C1QTNF1: variants seen among roughly 807,000 people sequenced by gnomAD.
C1QTNF1 encodes C1q and TNF related 1, also known as complement C1q tumor necrosis factor-related protein 1.
A neutral mutation model predicts 27.8 loss-of-function variants in C1QTNF1; 22 were observed. The observed-to-expected ratio is 0.79, with a 90% CI of 0.56 to 1.13. The LOEUF (loss-of-function observed/expected upper bound fraction) is 1.13. C1QTNF1 is among the 50% of genes most tolerant of loss of function. C1QTNF1 has a pLI of 0.00. For missense variants in C1QTNF1, 373 were observed against 380.2 expected, an observed-to-expected ratio of 0.98 and a Z score of 0.16; for synonymous variants, 166 against 154.3, an observed-to-expected ratio of 1.08 and a Z score of -0.56.
intron 1 of C1QTNF1, among the ~76,000 whole-genome samples, chr17:79,036,599 G>A (rs769674761): frequency 6.6e-5 from 10 of 152,082 alleles, no homozygotes; most frequent in Non-Finnish European, 1.0e-4. Flanking sequence ...CCACTGTACC[G>A]GACAGCACAG....
intron 1 of C1QTNF1, among the ~76,000 whole-genome samples, chr17:79,036,765 T>C (rs545539289): frequency 6.6e-6 from 1 of 152,318 alleles, no homozygotes; most frequent in Admixed American, 6.5e-5. Context: ...TCCCAAGCTC[T>C]TGCACAATGC....
At chr17:79,030,563 C>T (rs1282083207) in intron 1 of C1QTNF1, among the ~76,000 whole-genome samples, 1 of 129,564 alleles carries the variant, frequency 7.7e-6, no homozygotes, top group Non-Finnish European at 1.7e-5. Context: ...TCCTCTCTTT[C>T]TCTCTCTCTT....
chr17:79,024,759 G>C (rs963139054), intron 1 of C1QTNF1: 15 of 152,386 alleles, frequency 9.8e-5, no homozygotes, highest in Non-Finnish European at 1.8e-4. Flanking sequence ...GTGGAGGAGC[G>C]GGGCTTTTCT....
intron 1 of C1QTNF1, among the ~76,000 whole-genome samples, chr17:79,040,214 C>T (rs1018150243): frequency 6.6e-6 from 1 of 152,214 alleles, no homozygotes; most frequent in Admixed American, 6.5e-5. Context: ...AATCCCAGTA[C>T]TTTGGGAGGC....
At position 79,044,001 on chromosome 17, in the gene C1QTNF1, G is replaced by C. The variant is rs373430274; in HGVS notation, c.33G>C (p.Ala11=). Residue 11 remains alanine, a synonymous_variant, in exon 2 of 4, where the codon GCG becomes GCC. Coordinates refer to ENST00000579760, the MANE Select transcript of C1QTNF1 (RefSeq NM_030968.5). MGSRGQGLLL[A]YCLLLAFASG... ...CCCGTGGACAGGGACTCTTGCTGGC[G>C]TACTGCCTGCTCCTTGCCTTTGCCT... 1.2e-6 allele frequency: 2 copies of C among 1,614,174 alleles called. No homozygotes were observed. Among genetic ancestry groups the C allele is most frequent in the Non-Finnish European group, 1.7e-6 (2 of 1,180,032 alleles).
chr17:79,025,869 G>A, intron 1 of C1QTNF1: 1 of 425,560 alleles, frequency 2.3e-6, no homozygotes, highest in Non-Finnish European at 4.8e-6. Context: ...AACAACAACA[G>A]TGGCAATCAT....
At chr17:79,029,328 C>T (rs1363102114) in intron 1 of C1QTNF1, among the ~76,000 whole-genome samples, 3 of 152,162 alleles carry the variant, frequency 2.0e-5, no homozygotes, top group East Asian at 1.9e-4. Flanking sequence ...GCTTTGCTGT[C>T]GGACACACCT....
chr17:79,033,152 G>A (rs978887650), intron 1 of C1QTNF1, among the ~76,000 whole-genome samples: 1 of 151,936 alleles, frequency 6.6e-6, no homozygotes, highest in African/African-American at 2.4e-5. Context: ...CTAGACCAGC[G>A]CTGCCCAGCA....
chr17:79,033,049 CAA>C, intron 1 of C1QTNF1, among the ~76,000 whole-genome samples: 1 of 123,316 alleles, frequency 8.1e-6, no homozygotes, highest in Non-Finnish European at 1.6e-5. Flanking sequence ...GCCTGGGTGA[CAA>C]GAGCAAAACT....
In C1QTNF1 at chr17:79,043,984, C is replaced by T. The variant is rs777120458; in HGVS notation, c.16C>T (p.Gln6Ter). 1 of 1,614,174 alleles carries T rather than the reference C, an allele frequency of 6.2e-7. No individual in the cohort carries two copies. The highest frequency in any genetic ancestry group is 2.2e-5 in the East Asian group (1 of 44,890). The change falls in exon 2 of 4, where the codon CAG becomes TAG. Residue 6 changes from glutamine to a stop codon, truncating the protein, a stop_gained. Transcript: ENST00000579760. LOFTEE classifies it high-confidence loss of function. The stretch of plus-strand genomic sequence containing the variant: ...CGGCAGGAAGATGGGCTCCCGTGGA[C>T]AGGGACTCTTGCTGGCGTACTGCCT... The part of the protein sequence containing the change: MGSRG[Q>*]GLLLAYCLLL...
chr17:79,030,484 T>TTTTTCTTTC (rs2072102332), intron 1 of C1QTNF1, among the ~76,000 whole-genome samples: 2 of 67,094 alleles, frequency 3.0e-5, no homozygotes, highest in South Asian at 1.1e-3. Flanking sequence ...TCTTTCTTTC[T>TTTTTCTTTC]TTTTCTTTCT....
intron 1 of C1QTNF1, among the ~76,000 whole-genome samples, chr17:79,033,744 G>T (rs1389366931): frequency 1.3e-5 from 2 of 152,022 alleles, no homozygotes; most frequent in African/African-American, 4.8e-5. Context: ...GGAGCAAGAG[G>T]AGCTGAGAGC....
intron 1 of C1QTNF1, among the ~76,000 whole-genome samples, chr17:79,026,683 A>G (rs752204735): frequency 7.9e-5 from 12 of 152,142 alleles, no homozygotes; most frequent in Non-Finnish European, 1.6e-4. Context: ...GGAGGCAGGA[A>G]GCATGGTGCA....
At chr17:79,031,719 C>T (rs2072144424) in intron 1 of C1QTNF1, among the ~76,000 whole-genome samples, 2 of 152,246 alleles carry the variant, frequency 1.3e-5, no homozygotes, top group African/African-American at 4.8e-5. Context: ...GCTGGGATTA[C>T]AGGCGTGAGC....
intron 1 of C1QTNF1, among the ~76,000 whole-genome samples, chr17:79,026,132 G>A (rs1244082637): frequency 6.6e-6 from 1 of 152,082 alleles, no homozygotes; most frequent in African/African-American, 2.4e-5. Context: ...ACTCCAATCT[G>A]TGTCTTTATC....
rs562094752 is a variant in C1QTNF1, at chr17:79,046,784, C to T, written c.295+90C>T. On this transcript the variant is annotated intron_variant, in intron 3 of 3. Coordinates refer to ENST00000579760, the MANE Select transcript of C1QTNF1 (RefSeq NM_030968.5). The surrounding 1 kb of genome is among the most constrained non-coding windows in gnomAD (Gnocchi z 4.8). ...ATGGAGTCGTTAGGGTGGGGCTAGG[C>T]GAGAGCAGAATGGCTCCCTCGGGAC... The T allele has an allele frequency of 1.1e-5, 17 of 1,531,300 alleles. No individual in the cohort carries two copies. The highest frequency in any genetic ancestry group is 9.6e-5 in the African/African-American group (7 of 73,236). The allele number at this position is 1,531,300 out of a possible 1,614,324, so 94.9% of individuals were successfully genotyped here.
chr17:79,036,326 T>C (rs2072263754), intron 1 of C1QTNF1, among the ~76,000 whole-genome samples: 1 of 152,110 alleles, frequency 6.6e-6, no homozygotes, highest in Non-Finnish European at 1.5e-5. Flanking sequence ...AGGTGCACAC[T>C]ACCATGCCTG....
chr17:79,028,971 G>A (rs368028392), intron 1 of C1QTNF1, among the ~76,000 whole-genome samples: 1 of 152,108 alleles, frequency 6.6e-6, no homozygotes, highest in Admixed American at 6.5e-5. Context: ...ATTAAACTCC[G>A]GTGGTGTATT....
chr17:79,026,482 T>C (rs1213971400), intron 1 of C1QTNF1, among the ~76,000 whole-genome samples: 1 of 152,162 alleles, frequency 6.6e-6, no homozygotes, highest in Non-Finnish European at 1.5e-5. Context: ...AACCTTCCTA[T>C]CTGGTGTTGG....
Sources: allele counts gnomAD v4.1 joint callset (sites outside exome capture counted in the v4.1 genomes callset), GRCh38; gene constraint gnomAD v4.1.1; non-coding constraint Gnocchi (gnomAD v3.1); transcripts MANE v1.5; gene names NCBI Gene and HGNC (gene_info 2026-07-23, HGNC 2026-07-21).